OXSR1: variants seen among roughly 807,000 people sequenced by gnomAD.
OXSR1 encodes the protein serine/threonine-protein kinase OSR1.
A neutral mutation model predicts 79.8 loss-of-function variants in OXSR1; 24 were observed. The observed-to-expected ratio is 0.30, with a 90% CI of 0.22 to 0.42. The LOEUF (loss-of-function observed/expected upper bound fraction) is 0.42. Ranked by LOEUF, OXSR1 falls within the 10% of genes least tolerant of loss-of-function variation. The pLI is 1.00. For synonymous variants in OXSR1, 226 were observed against 209.2 expected, an observed-to-expected ratio of 1.08 and a Z score of -0.69; for missense variants, 430 against 618.4, an observed-to-expected ratio of 0.70 and a Z score of 3.23.
intron 4 of OXSR1, among the ~76,000 whole-genome samples, chr3:38,215,820 G>A (rs1313432375): frequency 6.6e-6 from 1 of 152,034 alleles, no homozygotes; most frequent in East Asian, 1.9e-4. Flanking sequence ...AATTAGGTGA[G>A]GGTCACATTC....
At chr3:38,176,147 A>T (rs1701672882) in intron 1 of OXSR1, among the ~76,000 whole-genome samples, 1 of 152,110 alleles carries the variant, frequency 6.6e-6, no homozygotes, top group South Asian at 2.1e-4. Context: ...TTTACAAATA[A>T]CTTTTGTTTT....
At position 38,247,173 on chromosome 3, in the gene OXSR1, C is replaced by T. The variant is rs545440755; in HGVS notation, c.1258-495C>T. On this transcript the variant is annotated intron_variant, in intron 13 of 17. Transcript: ENST00000311806. ...GATTCATTTTATAAACAACTTAAATCGAATGCATGTCCTCCCATAAGCAAG... is the reference window on the plus strand; with the variant it reads ...GATTCATTTTATAAACAACTTAAATTGAATGCATGTCCTCCCATAAGCAAG... Among the ~76,000 whole-genome samples, 99 of 152,084 alleles carry T rather than the reference C, an allele frequency of 6.5e-4. 1 individual carries two copies. The highest frequency in any genetic ancestry group is 8.8e-4 in the Non-Finnish European group (60 of 68,012).
At chr3:38,234,016 T>A (rs1702867634) in intron 10 of OXSR1, among the ~76,000 whole-genome samples, 1 of 152,226 alleles carries the variant, frequency 6.6e-6, no homozygotes, top group Non-Finnish European at 1.5e-5. Context: ...AATCATCATC[T>A]TCAAATGGCC....
chr3:38,243,290 A>C (rs994399168), intron 12 of OXSR1, among the ~76,000 whole-genome samples: 2 of 152,106 alleles, frequency 1.3e-5, no homozygotes, highest in African/African-American at 4.8e-5. Flanking sequence ...TTGGCCTCCC[A>C]AAGTGCTGTA....
chr3:38,251,347 G>A (rs1703251544), intron 15 of OXSR1, 56 bp from the exon 16 acceptor site: 1 of 1,418,132 alleles, frequency 7.1e-7, no homozygotes. Context: ...AGCTGTGAGA[G>A]TTAACAGTGG....
rs35433638 is a variant in OXSR1 at position 38,183,189 on chromosome 3, G to A, written c.183+74G>A. ...ACATTACAATGGGAAATAACTTGAA[G>A]TTTTTGATTTGTTTCTTTTTAAAAA... On this transcript the variant is annotated intron_variant, in intron 2 of 17. Coordinates refer to ENST00000311806, the MANE Select transcript of OXSR1 (RefSeq NM_005109.3). The A allele has an allele frequency of 3.4e-3, 2,147 of 639,140 alleles. 27 individuals are homozygous for A. In the African/African-American group the frequency reaches 0.037, roughly 11 times the overall value. 39.6% of individuals were successfully genotyped at this position (639,140 alleles called of 1,614,324 possible). A position where few individuals can be genotyped will look rare whatever the true frequency, so the allele number is the denominator to read the frequency against.
At chr3:38,197,845 G>C (rs942962496) in intron 3 of OXSR1, among the ~76,000 whole-genome samples, 2 of 152,152 alleles carry the variant, frequency 1.3e-5, no homozygotes, top group Admixed American at 1.3e-4. Context: ...TTTTAGTCTT[G>C]ATCATTGAGG....
At chr3:38,211,439 C>G (rs910294573) in intron 4 of OXSR1, among the ~76,000 whole-genome samples, 1 of 152,088 alleles carries the variant, frequency 6.6e-6, no homozygotes, top group Admixed American at 6.5e-5. Context: ...TTTTTTACTC[C>G]TATAAAGTGA....
At chr3:38,232,765 G>GA (rs945109856) in intron 10 of OXSR1, among the ~76,000 whole-genome samples, 3 of 151,540 alleles carry the variant, frequency 2.0e-5, no homozygotes, top group Non-Finnish European at 4.4e-5. Context: ...GTCTCAAAAC[G>GA]AAAAGAAAAA....
At chr3:38,167,022 GA>G (rs1262572998) in intron 1 of OXSR1, among the ~76,000 whole-genome samples, 1 of 152,148 alleles carries the variant, frequency 6.6e-6, no homozygotes, top group Non-Finnish European at 1.5e-5. Flanking sequence ...CAGTGGCCTT[GA>G]GTAAGGGAAG....
chr3:38,243,956 TATTCCTGCTACCATGACCTGC>T (rs1703086115), intron 12 of OXSR1, among the ~76,000 whole-genome samples: 1 of 152,202 alleles, frequency 6.6e-6, no homozygotes, highest in South Asian at 2.1e-4. Flanking sequence ...CTTGTCTCCT[TATTCCTGCTACCATGACCTGC>T]ATTCCTGAGT....
intron 1 of OXSR1, among the ~76,000 whole-genome samples, chr3:38,172,110 C>T (rs1376083110): frequency 1.3e-5 from 2 of 152,092 alleles, no homozygotes; most frequent in South Asian, 2.1e-4. Flanking sequence ...TTTTACCCTT[C>T]CCCTTGTCCT....
chr3:38,240,961 T>C (rs1408248634), intron 11 of OXSR1, among the ~76,000 whole-genome samples: 1 of 152,082 alleles, frequency 6.6e-6, no homozygotes, highest in African/African-American at 2.4e-5. Flanking sequence ...AAATCATCAT[T>C]TTACAATCAT....
rs1575380868 is a variant in OXSR1, at chr3:38,252,671, G to A, written c.1510-146G>A. 1.2e-5 allele frequency: 8 copies of A among 671,830 alleles called. No individual in the cohort carries two copies. In the East Asian group the frequency reaches 2.2e-4, roughly 18 times the overall value. The allele number at this position is 671,830 out of a possible 1,614,324, so 41.6% of individuals were successfully genotyped here. The stretch of plus-strand genomic sequence containing the variant: ...GTTTACCCAGCCCCCCTCTTTTCTG[G>A]AATAAACACCTTCGTCAGTCTCCTA... On this transcript the variant is annotated intron_variant, in intron 17 of 17. Transcript: ENST00000311806.
intron 5 of OXSR1, among the ~76,000 whole-genome samples, chr3:38,219,804 G>GATC (rs1401532642): frequency 1.3e-5 from 2 of 151,662 alleles, no homozygotes; most frequent in Non-Finnish European, 2.9e-5. Flanking sequence ...TGATGATGAT[G>GATC]ATGATGATGA....
chr3:38,244,735 G>A (rs1264416242), intron 12 of OXSR1, among the ~76,000 whole-genome samples: 4 of 151,002 alleles, frequency 2.6e-5, no homozygotes, highest in Non-Finnish European at 5.9e-5. Flanking sequence ...TTTTAGCTGT[G>A]GTCAATTATG....
rs542744942 is a variant in OXSR1, at chr3:38,236,215, G to T, written c.952-624G>T. Among the ~76,000 whole-genome samples the T allele has an allele frequency of 2.1e-5, 3 of 145,474 alleles. No homozygotes were observed. The South Asian group carries it at 6.9e-4, about 33-fold the overall frequency. ...TAGTGTATCTTGAGAAAAGAATAGA[G>T]ATTTCATAACAGAGTTAAATTTTCA... On this transcript the variant is annotated intron_variant, in intron 10 of 17. Transcript: ENST00000311806.
At chr3:38,216,690 A>G (rs1702488871) in intron 5 of OXSR1, among the ~76,000 whole-genome samples, 1 of 152,130 alleles carries the variant, frequency 6.6e-6, no homozygotes, top group African/African-American at 2.4e-5. Context: ...CTCCAGAATG[A>G]CTGTACCCAG....
chr3:38,173,639 A>T (rs1187012774), intron 1 of OXSR1, among the ~76,000 whole-genome samples: 5 of 152,244 alleles, frequency 3.3e-5, no homozygotes, highest in Non-Finnish European at 7.3e-5. Context: ...GTAACGATGA[A>T]ATAACACCCA....
Sources: allele counts gnomAD v4.1 joint callset (sites outside exome capture counted in the v4.1 genomes callset), GRCh38; gene constraint gnomAD v4.1.1; transcripts MANE v1.5; gene names NCBI Gene and HGNC (gene_info 2026-07-23, HGNC 2026-07-21).